The following BRD1 variants were observed in gnomAD, a reference collection of about 807,000 sequenced individuals.
The protein encoded by BRD1 is bromodomain-containing protein 1.
Under a neutral mutation model 107.7 loss-of-function variants are expected in BRD1, and 24 were observed. The observed-to-expected ratio is 0.22, with a 90% confidence interval of 0.16 to 0.31. The LOEUF (loss-of-function observed/expected upper bound fraction) is 0.31, where lower values mean the gene tolerates loss of function less well. BRD1 is among the 10% of genes least tolerant of loss of function. The pLI is 1.00. For missense variants in BRD1, 1,279 were observed against 1,638.6 expected (o/e 0.78, Z 3.79); for synonymous variants, 744 against 686.1 (o/e 1.08, Z -1.32).
chr22:49,795,664 G>A (rs1406301428), intron 6 of BRD1, among the ~76,000 whole-genome samples: 1 of 152,212 alleles, frequency 6.6e-6, no homozygotes, highest in Non-Finnish European at 1.5e-5. Flanking sequence ...TGAAGGGCAG[G>A]CAACCAGCGT....
chr22:49,825,084 A>C (rs2060132346), intron 1 of BRD1, among the ~76,000 whole-genome samples: 1 of 152,126 alleles, frequency 6.6e-6, no homozygotes, highest in African/African-American at 2.4e-5. Flanking sequence ...AAACCACCAC[A>C]GGCTGAGCCA....
Position 49,815,801 on chromosome 22 carries a change from A to G in BRD1, c.1367+7150T>C, listed in dbSNP as rs1231656481. 5.3e-5 allele frequency among the ~76,000 whole-genome samples: 8 copies of G among 152,264 alleles called. No homozygotes were observed. The East Asian group carries it at 1.4e-3, about 26-fold the overall frequency. ...CTGCGTCCACCCAGGTGCCCTCCCG[A>G]GCTCCCAGGCACTGGCTGGACCTGC... is the stretch of plus-strand genomic sequence containing the variant. On this transcript the variant is annotated intron_variant, in intron 2 of 12. Transcript: ENST00000404760.
In BRD1 at chr22:49,774,371, T is replaced by A; in HGVS notation, c.3432A>T (p.Glu1144Asp). 6.2e-7 allele frequency: 1 copy of A among 1,613,958 alleles called. No homozygotes were observed. Among genetic ancestry groups the A allele is most frequent in the South Asian group, 1.1e-5 (1 of 91,028 alleles). The part of the protein sequence containing the change: ...KSKMVPLGID[E>D]TIDKLKMMEG... ...CCATCATCTTTAACTTGTCTATAGTTTCGTCAATACCAAGGGGAACCATTT... is the reference window on the plus strand; with the variant it reads ...CCATCATCTTTAACTTGTCTATAGTATCGTCAATACCAAGGGGAACCATTT... Residue 1144 changes from glutamate (E) to aspartate (D), a missense_variant, in exon 13 of 13, where the codon GAA becomes GAT. Transcript: ENST00000404760.
chr22:49,800,643 C>T (rs2059623234), intron 3 of BRD1, among the ~76,000 whole-genome samples: 1 of 152,226 alleles, frequency 6.6e-6, no homozygotes, highest in Non-Finnish European at 1.5e-5. Context: ...TTAACAAACG[C>T]CATCGGCAGT....
chr22:49,827,716 G>A lies in BRD1; in HGVS notation c.-234C>T, dbSNP rs1015673001. Among the ~76,000 whole-genome samples, 6 of 144,518 alleles carry A rather than the reference G, an allele frequency of 4.2e-5. No homozygotes were observed. Among genetic ancestry groups the A allele is most frequent in the African/African-American group, 1.2e-4 (5 of 40,360 alleles). 94.8% of individuals were successfully genotyped at this position (144,518 alleles called of 152,430 possible). A position where few individuals can be genotyped will look rare whatever the true frequency, so the allele number is the denominator to read the frequency against. The stretch of plus-strand genomic sequence containing the variant: ...GCAGCGGCTCGCGCGGCGCGGGCTC[G>A]GGCTCGGGGCCCAGCTGGAGGCCCG... On this transcript the variant is annotated 5_prime_UTR_variant, in exon 1 of 13. Coordinates refer to ENST00000404760, the MANE Select transcript of BRD1 (RefSeq NM_001304808.3).
chr22:49,806,242 A>T (rs1009331338), intron 2 of BRD1: 7 of 152,224 alleles, frequency 4.6e-5, no homozygotes, highest in Admixed American at 4.6e-4. Flanking sequence ...GAGATGTGAG[A>T]AAAAATTCTG....
chr22:49,775,345 C>T (rs192517349), intron 12 of BRD1: 16 of 320,122 alleles, frequency 5.0e-5, no homozygotes, highest in African/African-American at 2.6e-4. Context: ...GGGGCTCAGG[C>T]GAGAGGGAGA....
At chr22:49,804,790 G>A (rs2059708614) in intron 2 of BRD1, among the ~76,000 whole-genome samples, 1 of 152,086 alleles carries the variant, frequency 6.6e-6, no homozygotes, top group Non-Finnish European at 1.5e-5. Flanking sequence ...GGTGGAGGTT[G>A]GTGTGAGCCG....
intron 2 of BRD1, among the ~76,000 whole-genome samples, chr22:49,811,694 G>A (rs1415314815): frequency 6.6e-6 from 1 of 152,212 alleles, no homozygotes; most frequent in African/African-American, 2.4e-5. Flanking sequence ...TCAGACTATG[G>A]CTGACCATGG....
At chr22:49,805,522 C>A (rs868679242) in intron 2 of BRD1, 1 of 152,392 alleles carries the variant, frequency 6.6e-6, no homozygotes, top group Admixed American at 6.5e-5. Context: ...GGACAGCCAA[C>A]GGAAGGAAGC....
At chr22:49,811,485 C>A (rs182018173) in intron 2 of BRD1, among the ~76,000 whole-genome samples, 1 of 152,280 alleles carries the variant, frequency 6.6e-6, no homozygotes, top group African/African-American at 2.4e-5. Flanking sequence ...CAGGACCGAG[C>A]GCCAGCCTGG....
At chr22:49,798,784 G>A in intron 4 of BRD1, 98 bp from the exon 5 acceptor site, 1 of 1,454,912 alleles carries the variant, frequency 6.9e-7, no homozygotes, top group Non-Finnish European at 9.0e-7. Flanking sequence ...ACAGGCTCCT[G>A]TGCTTCCGTC....
chr22:49,798,837 C>A, intron 4 of BRD1, 151 bp from the exon 5 acceptor site: 1 of 1,433,868 alleles, frequency 7.0e-7, no homozygotes. Flanking sequence ...CTCTGCAACC[C>A]ATGGCAGCCA....
At chr22:49,806,366 C>T (rs1255402177) in intron 2 of BRD1, 1 of 152,130 alleles carries the variant, frequency 6.6e-6, no homozygotes, top group African/African-American at 2.4e-5. Flanking sequence ...AACTTAAGAG[C>T]CAGATGCAGA....
intron 7 of BRD1, among the ~76,000 whole-genome samples, chr22:49,793,349 GGTT>G (rs2059469024): frequency 6.6e-6 from 1 of 152,102 alleles, no homozygotes; most frequent in South Asian, 2.1e-4. Flanking sequence ...ATTTGCCCTG[GGTT>G]TTGCTAGTTC....
Position 49,777,667 on chromosome 22 carries a change from G to A in BRD1, c.2993+11C>T, listed in dbSNP as rs750497662. 35 of 1,602,486 alleles carry A rather than the reference G, an allele frequency of 2.2e-5. No homozygotes were observed. The highest frequency in any genetic ancestry group is 5.3e-5 in the African/African-American group (4 of 74,810). On this transcript the variant is annotated intron_variant, in intron 9 of 12. Coordinates refer to ENST00000404760, the MANE Select transcript of BRD1 (RefSeq NM_001304808.3). ...GCTGCGTGGTGGGAAGCGCAGGGCC[G>A]CGGTGCCCACCTCGAGTCGCAGAGC...
At position 49,787,472 on chromosome 22, in the gene BRD1, A is replaced by T; in HGVS notation, c.2775T>A (p.Leu925=). The T allele has an allele frequency of 6.2e-7, 1 of 1,614,214 alleles. No homozygotes were observed. Among genetic ancestry groups the T allele is most frequent in the Non-Finnish European group, 8.5e-7 (1 of 1,180,036 alleles). ...TCCGCGACCTTTTCCTTGGCTGCAG[A>T]AGAGTCTCCAACCTCGGAAGGACTA... ...LSVVLPRLET[L]LQPRKRSRST... The change falls in exon 8 of 13, where the codon CTT becomes CTA. Residue 925 remains leucine (L), a synonymous_variant. Transcript: ENST00000404760.
intron 2 of BRD1, among the ~76,000 whole-genome samples, chr22:49,821,838 G>A (rs758851533): frequency 3.3e-5 from 5 of 152,164 alleles, no homozygotes; most frequent in Admixed American, 6.5e-5. Flanking sequence ...GGCTCTAGGC[G>A]TCTCCCCCAG....
intron 8 of BRD1, among the ~76,000 whole-genome samples, chr22:49,781,015 A>T (rs925221706): frequency 1.3e-5 from 2 of 152,146 alleles, no homozygotes; most frequent in African/African-American, 4.8e-5. Context: ...GTTTTTTTTT[A>T]ACGCTGAAAG....
Sources: gnomAD v4.1 joint callset for allele counts (sites outside exome capture counted in the v4.1 genomes callset) on GRCh38, gnomAD v4.1.1 for gene constraint, MANE v1.5 for transcripts, NCBI Gene and HGNC (gene_info 2026-07-23, HGNC 2026-07-21) for gene names.